DNAH2: variants seen among roughly 807,000 people sequenced by gnomAD.
DNAH2 encodes axonemal beta dynein heavy chain 2.
DNAH2 carries 323 observed loss-of-function variants against 523.5 expected under a neutral mutation model. The ratio of observed to expected loss-of-function variants is 0.62; its 90% confidence interval spans 0.56 to 0.68. DNAH2 has a LOEUF of 0.68. DNAH2 is among the 30% of genes least tolerant of loss of function. The pLI, the probability that DNAH2 is intolerant of heterozygous loss-of-function variation, is 0.00. For synonymous variants in DNAH2, 2,093 were observed against 2,177.4 expected, an observed-to-expected ratio of 0.96 and a Z score of 1.08; for missense variants, 4,907 against 5,701.5, an observed-to-expected ratio of 0.86 and a Z score of 4.49.
Position 7,788,075 on chromosome 17 carries a change from T to C in DNAH2, c.6742-11T>C, listed in dbSNP as rs2076792077. The C allele has an allele frequency of 1.2e-6, 2 of 1,613,996 alleles. No homozygotes were observed. Among genetic ancestry groups the C allele is most frequent in the Non-Finnish European group, 1.7e-6 (2 of 1,179,888 alleles). ...AGGGTGAATGAAGAGCCCCTTCTTA[T>C]TCAACTCCAGGCTGAGGTGGAGCCC... On this transcript the variant is annotated splice_polypyrimidine_tract_variant and intron_variant, in intron 43 of 85. Coordinates refer to ENST00000572933, the MANE Select transcript of DNAH2 (RefSeq NM_020877.5).
Position 7,805,306 on chromosome 17 carries a change from C to G in DNAH2, c.9355C>G (p.Pro3119Ala). 1 of 1,614,226 alleles carries G rather than the reference C, an allele frequency of 6.2e-7. No homozygotes were observed. The highest frequency in any genetic ancestry group is 2.2e-5 in the East Asian group (1 of 44,894). ...AGGAGAGATCAAGTCTTATGGACGG[C>G]CCCCAGCCCAAGTGGAGATAGTGAT... ...DIGEIKSYGR[P>A]PAQVEIVMQA... The change falls in exon 61 of 86, where the codon CCC becomes GCC. Residue 3119 changes from proline (P) to alanine (A), a missense_variant. This residue lies in a region of DNAH2 where 1,851 missense variants were observed against 2,139.4 expected (regional missense o/e 0.87). Transcript: ENST00000572933.
At chr17:7,736,667 A>G (rs1349801450) in intron 7 of DNAH2, among the ~76,000 whole-genome samples, 1 of 152,090 alleles carries the variant, frequency 6.6e-6, no homozygotes, top group Non-Finnish European at 1.5e-5. Flanking sequence ...GGCAAGTCAG[A>G]ATGGGGTTGA....
intron 14 of DNAH2, 57 bp from the exon 15 acceptor site, chr17:7,758,828 A>G: frequency 1.3e-6 from 2 of 1,598,612 alleles, no homozygotes; most frequent in Non-Finnish European, 1.7e-6. Flanking sequence ...GGGTAGAATG[A>G]GGTCCAGATG....
rs749910102 is a variant in DNAH2, at chr17:7,807,213, T to C, written c.9506T>C (p.Leu3169Pro). 7 of 1,613,334 alleles carry C rather than the reference T, an allele frequency of 4.3e-6. No individual in the cohort carries two copies. The highest frequency in any genetic ancestry group is 1.3e-5 in the African/African-American group (1 of 74,938). Reference protein sequence around the residue: ...FDKDNISDKVLKKIGAYCAQP... With the variant: ...FDKDNISDKVPKKIGAYCAQP... ...AAAGACAATATCTCAGATAAGGTTC[T>C]GAAGAAGATTGGGGCCTACTGCGCC... Residue 3169 changes from leucine to proline, a missense_variant, in exon 62 of 86, where the codon CTG becomes CCG. Physicochemically the swap from Leu to Pro is moderately conservative, Grantham distance 98. This residue lies in a region of DNAH2 where 1,851 missense variants were observed against 2,139.4 expected (regional missense o/e 0.87). Coordinates refer to ENST00000572933, the MANE Select transcript of DNAH2 (RefSeq NM_020877.5). The surrounding 1 kb of genome is among the most constrained non-coding windows in gnomAD (Gnocchi z 5.6).
At chr17:7,813,069 G>C (rs12945781) in intron 63 of DNAH2, among the ~76,000 whole-genome samples, 1 of 152,112 alleles carries the variant, frequency 6.6e-6, no homozygotes, top group African/African-American at 2.4e-5. Context: ...TGCCTCTAAA[G>C]AAGGAACCTG....
Position 7,797,675 on chromosome 17 carries a change from C to G in DNAH2, c.8081-5C>G. 1 of 1,614,072 alleles carries G rather than the reference C, an allele frequency of 6.2e-7. No individual in the cohort carries two copies. The highest frequency in any genetic ancestry group is 1.1e-5 in the South Asian group (1 of 91,078). ...TGACTCTGATCCCCTCTTCCCATGG[C>G]TCAGGGGATTTCCTGAAGGAGCCCA... On this transcript the variant is annotated splice_region_variant and splice_polypyrimidine_tract_variant and intron_variant, in intron 52 of 85. Coordinates refer to ENST00000572933, the MANE Select transcript of DNAH2 (RefSeq NM_020877.5).
Position 7,796,496 on chromosome 17 carries a change from G to T in DNAH2, c.7707G>T (p.Met2569Ile), listed in dbSNP as rs769486175. 1 of 1,613,834 alleles carries T rather than the reference G, an allele frequency of 6.2e-7. No individual in the cohort carries two copies. The highest frequency in any genetic ancestry group is 2.2e-5 in the East Asian group (1 of 44,824). Reference sequence around the variant, plus strand: ...AGATCATCCGCATATTCGGCACCATGATCAATCAGAAGCTTCAGGACTTTG... The same window carrying T: ...AGATCATCCGCATATTCGGCACCATTATCAATCAGAAGCTTCAGGACTTTG... ...KSQIIRIFGT[M>I]INQKLQDFEE... Residue 2569 changes from methionine to isoleucine, a missense_variant, in exon 50 of 86, where the codon ATG becomes ATT. Coordinates refer to ENST00000572933, the MANE Select transcript of DNAH2 (RefSeq NM_020877.5).
At chr17:7,746,946 C>T (rs1337711729) in intron 12 of DNAH2, among the ~76,000 whole-genome samples, 1 of 150,876 alleles carries the variant, frequency 6.6e-6, no homozygotes, top group African/African-American at 2.4e-5. Context: ...GAGAATGCGC[C>T]ATTGCACTCC....
intron 58 of DNAH2, among the ~76,000 whole-genome samples, chr17:7,804,052 C>A (rs193039465): frequency 1.3e-5 from 2 of 152,190 alleles, no homozygotes; most frequent in African/African-American, 4.8e-5. Flanking sequence ...GGAATGAGAG[C>A]CTGAAATCAA....
intron 44 of DNAH2, among the ~76,000 whole-genome samples, chr17:7,790,768 A>T (rs1025405522): frequency 4.7e-5 from 7 of 149,492 alleles, no homozygotes; most frequent in African/African-American, 1.5e-4. Context: ...CTGGAATGGC[A>T]TGATCAGGGC....
chr17:7,734,555 G>A lies in DNAH2; in HGVS notation c.825G>A (p.Leu275=). 1.9e-6 allele frequency: 3 copies of A among 1,613,824 alleles called. No homozygotes were observed. The highest frequency in any genetic ancestry group is 2.5e-6 in the Non-Finnish European group (3 of 1,179,980). ...TVETGENLGP[L]EEIEFWRNRC... ...AGACAGGAGAAAATTTAGGTCCTCT[G>A]GAGGAGATTGAGTTCTGGCGCAACC... Residue 275 remains leucine (L), a synonymous_variant, in exon 7 of 86, where the codon CTG becomes CTA. Coordinates refer to ENST00000572933, the MANE Select transcript of DNAH2 (RefSeq NM_020877.5).
At chr17:7,799,039 C>T (rs12949280) in intron 55 of DNAH2, 64 bp from the exon 56 acceptor site, 1,427,391 of 1,585,810 alleles carry the variant, frequency 0.9, 649,901 homozygotes, top group Non-Finnish European at 0.94. Flanking sequence ...CCACCTGACC[C>T]GCTGCCCCCG....
At position 7,833,462 on chromosome 17, in the gene DNAH2, C is replaced by A. The variant is rs748326313; in HGVS notation, c.13213C>A (p.Arg4405=). The change falls in exon 86 of 86, where the codon CGG becomes AGG. Residue 4405 remains arginine, a synonymous_variant. Transcript: ENST00000572933. ...CTCCTTTGTCATCGGCATTGACCTG[C>A]GGTCTGGGGCCATGACACCTGATCA... ...RASFVIGIDL[R]SGAMTPDHWI... 6.2e-7 allele frequency: 1 copy of A among 1,614,016 alleles called. No individual in the cohort carries two copies.
chr17:7,738,952 G>C, intron 8 of DNAH2: 1 of 702,798 alleles, frequency 1.4e-6, no homozygotes. Flanking sequence ...CTGGGTCCTA[G>C]ATCAGACCAG....
At chr17:7,723,554 G>A (rs1162065117) in intron 2 of DNAH2, 74 bp from the exon 3 acceptor site, 3 of 1,302,888 alleles carry the variant, frequency 2.3e-6, no homozygotes, top group Non-Finnish European at 3.3e-6. Context: ...CTACAGGTGT[G>A]AGCCACCGCG....
Position 7,793,065 on chromosome 17 carries a change from A to G in DNAH2, c.7429A>G (p.Ser2477Gly), listed in dbSNP as rs757157839. 1.2e-6 allele frequency: 2 copies of G among 1,614,218 alleles called. No homozygotes were observed. Among genetic ancestry groups the G allele is most frequent in the East Asian group, 2.2e-5 (1 of 44,886 alleles). ...TGTCTACGTGCCATTCGGGGGCAAA[A>G]GCATGATCACCTTTATGGATGACCT... ...KGVYVPFGGK[S>G]MITFMDDLNM... The change falls in exon 48 of 86, where the codon AGC becomes GGC. Residue 2477 changes from serine (S) to glycine (G), a missense_variant. Around this residue, in one of 3 missense-constraint regions of DNAH2, gnomAD observed 2,806 missense variants for 3,190.8 expected, o/e 0.88. Coordinates refer to ENST00000572933, the MANE Select transcript of DNAH2 (RefSeq NM_020877.5).
Position 7,823,572 on chromosome 17 carries a change from C to T in DNAH2, c.11273C>T (p.Pro3758Leu), listed in dbSNP as rs771811422. ...HGLMNSFEQY[P>L]RDWHLWYTNA... ...CTCATGAACTCCTTTGAGCAGTACC[C>T]TCGTGACTGGCACCTGTGGTATACC... is the stretch of plus-strand genomic sequence containing the variant. The change falls in exon 74 of 86, where the codon CCT becomes CTT. Residue 3758 changes from proline to leucine, a missense_variant. Physicochemically the swap from Pro to Leu is moderately conservative, Grantham distance 98. Transcript: ENST00000572933. 3 of 1,614,050 alleles carry T rather than the reference C, an allele frequency of 1.9e-6. No individual in the cohort carries two copies. The highest frequency in any genetic ancestry group is 2.2e-5 in the East Asian group (1 of 44,886).
Position 7,780,724 on chromosome 17 carries a change from C to T in DNAH2, c.5945C>T (p.Ser1982Phe), listed in dbSNP as rs376071347. The T allele has an allele frequency of 1.1e-5, 18 of 1,614,124 alleles. No individual in the cohort carries two copies. Among genetic ancestry groups the T allele is most frequent in the Admixed American group, 1.7e-5 (1 of 60,010 alleles). The change falls in exon 38 of 86, where the codon TCC (serine) becomes TTC (phenylalanine). Residue 1982 changes from serine (S) to phenylalanine (F), a missense_variant. Physicochemically the swap from Ser to Phe is radical, Grantham distance 155. This residue lies in a region of DNAH2 where 2,806 missense variants were observed against 3,190.8 expected (regional missense o/e 0.88). Transcript: ENST00000572933. The surrounding 1 kb of genome is among the most constrained non-coding windows in gnomAD (Gnocchi z 4.4). Reference protein sequence around the residue: ...HYDFGLRALTSLLRYAGKKRR... With the variant: ...HYDFGLRALTFLLRYAGKKRR... The stretch of plus-strand genomic sequence containing the variant: ...GACTTTGGCCTGCGTGCCCTCACCT[C>T]CCTTCTGCGCTATGCTGGCAAGAAG...
Position 7,830,696 on chromosome 17 carries a change from C to T in DNAH2, c.12084C>T (p.Tyr4028=), listed in dbSNP as rs759742152. Residue 4028 remains tyrosine (Y), a synonymous_variant, in exon 79 of 86, where the codon TAC becomes TAT. Coordinates refer to ENST00000572933, the MANE Select transcript of DNAH2 (RefSeq NM_020877.5). ...ENLLSLYLDE[Y]EETPWDALKY... is the part of the protein sequence containing the mutation. ...TGCTGAGCCTCTATCTCGATGAGTA[C>T]GAGGAGACACCTTGGGACGCACTTA... The T allele has an allele frequency of 2.5e-5, 41 of 1,614,054 alleles. No individual in the cohort carries two copies. Among genetic ancestry groups the T allele is most frequent in the African/African-American group, 6.7e-5 (5 of 74,898 alleles).
Sources: gnomAD v4.1 joint callset for allele counts (sites outside exome capture counted in the v4.1 genomes callset) on GRCh38, gnomAD v4.1.1 for gene constraint, gnomAD v4.1.1 regional missense constraint, Gnocchi (gnomAD v3.1) non-coding constraint, MANE v1.5 for transcripts, NCBI Gene and HGNC (gene_info 2026-07-23, HGNC 2026-07-21) for gene names.